Variants in EFNA5 observed in about 807,000 individuals in gnomAD.
EFNA5 encodes the protein ephrin-A5.
Under a neutral mutation model 22.9 loss-of-function variants are expected in EFNA5, and 5 were observed. The ratio of observed to expected loss-of-function variants is 0.22; its 90% CI spans 0.11 to 0.46. The LOEUF (loss-of-function observed/expected upper bound fraction) is 0.46, where lower values mean the gene tolerates loss of function less well. Among genes scored for constraint, EFNA5 ranks in the 20% least tolerant of loss-of-function variants. EFNA5 has a pLI of 0.99. For synonymous variants in EFNA5, 113 were observed against 112.2 expected, an observed-to-expected ratio of 1.01 and a Z score of -0.04; for missense variants, 237 against 293.3, an observed-to-expected ratio of 0.81 and a Z score of 1.40.
intron 1 of EFNA5, among the ~76,000 whole-genome samples, chr5:107,529,388 C>A (rs767074606): frequency 6.6e-6 from 1 of 152,018 alleles, no homozygotes; most frequent in Admixed American, 6.6e-5. Flanking sequence ...TAGCTGCCAC[C>A]GTAGCCCAAA....
intron 1 of EFNA5, among the ~76,000 whole-genome samples, chr5:107,659,640 C>G (rs1051382046): frequency 2.7e-5 from 4 of 150,744 alleles, no homozygotes; most frequent in Admixed American, 2.6e-4. Context: ...GTGATTAGCT[C>G]TCAAATAACC....
rs115308039 is a variant in EFNA5, at chr5:107,504,461, C to A, written c.126-76952G>T. ...AAATATGTGTCTTCTCTATTTGGAG[C>A]TTTATCTGCTATTCTCTCTTCTTTT... On this transcript the variant is annotated intron_variant, in intron 1 of 4. Coordinates refer to ENST00000333274, the MANE Select transcript of EFNA5 (RefSeq NM_001962.3). Among the ~76,000 whole-genome samples the A allele has an allele frequency of 2.8e-3, 421 of 152,216 alleles. 1 individual carries two copies. Among genetic ancestry groups the A allele is most frequent in the Non-Finnish European group, 4.7e-3 (321 of 67,978 alleles).
chr5:107,552,415 C>T (rs1748319539), intron 1 of EFNA5, among the ~76,000 whole-genome samples: 2 of 152,128 alleles, frequency 1.3e-5, no homozygotes, highest in South Asian at 4.1e-4. Context: ...AGTGCTCTTA[C>T]CATCCTCATT....
intron 1 of EFNA5, among the ~76,000 whole-genome samples, chr5:107,436,022 C>T (rs544887904): frequency 1.2e-4 from 19 of 152,238 alleles, no homozygotes; most frequent in African/African-American, 4.6e-4. Context: ...ACTTTAAAAG[C>T]AAAACATTTA....
At chr5:107,580,655 G>A (rs1749024455) in intron 1 of EFNA5, among the ~76,000 whole-genome samples, 2 of 149,766 alleles carry the variant, frequency 1.3e-5, no homozygotes, top group African/African-American at 4.9e-5. Flanking sequence ...CTCGGGAGGC[G>A]GAGCTTGCAG....
At chr5:107,581,638 A>G (rs1292839034) in intron 1 of EFNA5, among the ~76,000 whole-genome samples, 1 of 152,228 alleles carries the variant, frequency 6.6e-6, no homozygotes, top group Non-Finnish European at 1.5e-5. Flanking sequence ...TACTGCAGAC[A>G]ATAACAGTTG....
chr5:107,385,706 C>T lies in EFNA5; in HGVS notation c.565+1529G>A, dbSNP rs557530163. 1.5e-4 allele frequency among the ~76,000 whole-genome samples: 23 copies of T among 152,064 alleles called. No individual in the cohort carries two copies. The East Asian group carries it at 4.5e-3, about 29-fold the overall frequency. On this transcript the variant is annotated intron_variant, in intron 4 of 4. Coordinates refer to ENST00000333274, the MANE Select transcript of EFNA5 (RefSeq NM_001962.3). ...GAGTCTGGGGTTGTTAAGGGAGATA[C>T]TGAGTAACTTGCAGATCCTCTGGTG...
At chr5:107,641,928 C>T (rs1401286065) in intron 1 of EFNA5, among the ~76,000 whole-genome samples, 5 of 152,108 alleles carry the variant, frequency 3.3e-5, no homozygotes, top group Admixed American at 6.5e-5. Flanking sequence ...CATGCTCAAC[C>T]CAATGGCTAG....
intron 1 of EFNA5, among the ~76,000 whole-genome samples, chr5:107,506,935 G>C (rs1747266886): frequency 6.6e-6 from 1 of 152,076 alleles, no homozygotes; most frequent in African/African-American, 2.4e-5. Context: ...ATTTATTGCT[G>C]CTTTATTATC....
chr5:107,637,721 A>G (rs1174552158), intron 1 of EFNA5, among the ~76,000 whole-genome samples: 1 of 148,650 alleles, frequency 6.7e-6, no homozygotes, highest in Non-Finnish European at 1.5e-5. Flanking sequence ...CAGATTATAT[A>G]TAATATATAA....
At chr5:107,464,052 T>C (rs896071541) in intron 1 of EFNA5, among the ~76,000 whole-genome samples, 13 of 152,150 alleles carry the variant, frequency 8.5e-5, no homozygotes, top group African/African-American at 3.1e-4. Flanking sequence ...AGTTTTACTA[T>C]GAATCTTTAA....
At chr5:107,442,303 T>C (rs920871294) in intron 1 of EFNA5, among the ~76,000 whole-genome samples, 21 of 152,190 alleles carry the variant, frequency 1.4e-4, no homozygotes, top group African/African-American at 4.6e-4. Context: ...AGCTGTTTCC[T>C]TTTAGAACTC....
intron 2 of EFNA5, among the ~76,000 whole-genome samples, chr5:107,399,065 G>C (rs1443651536): frequency 6.6e-6 from 1 of 152,110 alleles, no homozygotes; most frequent in Non-Finnish European, 1.5e-5. Context: ...CTTGGGAACT[G>C]ATGTAATAAT....
At chr5:107,572,481 G>T (rs1748834990) in intron 1 of EFNA5, among the ~76,000 whole-genome samples, 2 of 152,162 alleles carry the variant, frequency 1.3e-5, no homozygotes, top group African/African-American at 2.4e-5. Context: ...AGGGAGGAGG[G>T]GGCCGCCAAA....
chr5:107,644,132 C>T (rs1187053131), intron 1 of EFNA5, among the ~76,000 whole-genome samples: 2 of 151,988 alleles, frequency 1.3e-5, no homozygotes, highest in Non-Finnish European at 2.9e-5. Context: ...CAGCAGTTTG[C>T]CCATGGATCC....
At chr5:107,659,157 T>A (rs1312822156) in intron 1 of EFNA5, among the ~76,000 whole-genome samples, 43 of 152,188 alleles carry the variant, frequency 2.8e-4, no homozygotes, top group Admixed American at 2.8e-3. Context: ...CAATAGTTTA[T>A]CAATGATAAC....
chr5:107,556,753 A>AAAATAAATAAATAAAT (rs35945658), intron 1 of EFNA5, among the ~76,000 whole-genome samples: 1 of 122,632 alleles, frequency 8.2e-6, no homozygotes. Context: ...TCTCAAAATA[A>AAAATAAATAAATAAAT]AAATAAATAA....
At chr5:107,447,632 C>T (rs979798848) in intron 1 of EFNA5, among the ~76,000 whole-genome samples, 1 of 152,124 alleles carries the variant, frequency 6.6e-6, no homozygotes, top group Non-Finnish European at 1.5e-5. Context: ...CAGCAAAAGA[C>T]TTCAAAAGAG....
intron 1 of EFNA5, among the ~76,000 whole-genome samples, chr5:107,450,481 C>T (rs114880139): frequency 6.6e-6 from 1 of 152,176 alleles, no homozygotes; most frequent in South Asian, 2.1e-4. Flanking sequence ...TAAGCATGTG[C>T]AAAGCACTAA....
Sources: gnomAD v4.1 joint callset for allele counts (sites outside exome capture counted in the v4.1 genomes callset) on GRCh38, gnomAD v4.1.1 for gene constraint, MANE v1.5 for transcripts, NCBI Gene and HGNC (gene_info 2026-07-23, HGNC 2026-07-21) for gene names.